CDH13: variants seen among roughly 807,000 people sequenced by gnomAD.
The protein encoded by CDH13 is cadherin 13.
A neutral mutation model predicts 63.8 loss-of-function variants in CDH13; 24 were observed. That is an observed-to-expected ratio of 0.38 (90% CI 0.27 to 0.53). The LOEUF (loss-of-function observed/expected upper bound fraction) is 0.53. Among genes scored for constraint, CDH13 ranks in the 20% least tolerant of loss-of-function variants. The probability of loss-of-function intolerance (pLI) is 0.85; values close to 1 mark genes in which losing one functional copy is unlikely to be tolerated. For missense variants in CDH13, 1,049 were observed against 903.1 expected, an observed-to-expected ratio of 1.16 and a Z score of -2.07; for synonymous variants, 503 against 355.3, an observed-to-expected ratio of 1.42 and a Z score of -4.67.
chr16:83,228,846 G>C (rs1218781414), intron 5 of CDH13, among the ~76,000 whole-genome samples: 1 of 152,172 alleles, frequency 6.6e-6, no homozygotes, highest in Non-Finnish European at 1.5e-5. Flanking sequence ...ATCAGATTTG[G>C]ATTTTACAGG....
chr16:83,048,200 A>G (rs1056835091), intron 3 of CDH13, among the ~76,000 whole-genome samples: 2 of 152,320 alleles, frequency 1.3e-5, no homozygotes, highest in African/African-American at 2.4e-5. Flanking sequence ...CAAGTTGGTT[A>G]CTTTGAAACT....
intron 8 of CDH13, among the ~76,000 whole-genome samples, chr16:83,651,069 C>G (rs1796660804): frequency 6.6e-6 from 1 of 151,978 alleles, no homozygotes; most frequent in South Asian, 2.1e-4. Context: ...CAAGTGTATT[C>G]CAGCCTGGGC....
At chr16:82,820,091 T>A (rs75547528) in intron 1 of CDH13, among the ~76,000 whole-genome samples, 3,026 of 152,224 alleles carry the variant, frequency 0.02, 55 homozygotes, top group Non-Finnish European at 0.031. Context: ...CTCACCAGCA[T>A]CTCTTAGCTC....
intron 4 of CDH13, among the ~76,000 whole-genome samples, chr16:83,160,083 A>T (rs1443156936): frequency 6.6e-6 from 1 of 151,890 alleles, no homozygotes; most frequent in Non-Finnish European, 1.5e-5. Context: ...CTCAAAAAAT[A>T]AAGAGAAAAA....
chr16:83,085,954 C>T (rs1212641740), intron 3 of CDH13, among the ~76,000 whole-genome samples: 1 of 152,160 alleles, frequency 6.6e-6, no homozygotes, highest in Non-Finnish European at 1.5e-5. Context: ...TATGTTAGTG[C>T]CAGCTCACAT....
At chr16:83,625,568 C>G (rs1910222207) in intron 8 of CDH13, among the ~76,000 whole-genome samples, 1 of 152,216 alleles carries the variant, frequency 6.6e-6, no homozygotes, top group South Asian at 2.1e-4. Context: ...TTCTTTACCT[C>G]TCAGAACTGC....
chr16:83,711,156 C>A (rs921431165), intron 10 of CDH13, among the ~76,000 whole-genome samples: 1 of 152,200 alleles, frequency 6.6e-6, no homozygotes, highest in Non-Finnish European at 1.5e-5. Flanking sequence ...TTAGAAGTAT[C>A]TGTGACTTCA....
At chr16:83,117,697 A>G (rs550715907) in intron 3 of CDH13, among the ~76,000 whole-genome samples, 12 of 152,102 alleles carry the variant, frequency 7.9e-5, no homozygotes, top group African/African-American at 2.4e-4. Context: ...CTTAGTTAAT[A>G]TGAATCTATT....
chr16:83,603,382 C>T (rs1356457415), intron 8 of CDH13, among the ~76,000 whole-genome samples: 2 of 152,180 alleles, frequency 1.3e-5, no homozygotes, highest in African/African-American at 4.8e-5. Flanking sequence ...ACCATGGTGT[C>T]TCCCCCTGAG....
intron 1 of CDH13, among the ~76,000 whole-genome samples, chr16:82,843,227 A>G (rs946729557): frequency 6.6e-6 from 1 of 152,196 alleles, no homozygotes; most frequent in Non-Finnish European, 1.5e-5. Flanking sequence ...GTATATTGAC[A>G]ATTAGTGTAT....
intron 2 of CDH13, chr16:82,990,159 C>T (rs2151402947): frequency 6.6e-6 from 1 of 152,226 alleles, no homozygotes; most frequent in East Asian, 1.9e-4. Flanking sequence ...TCTGTTGCGT[C>T]TAGAAGTCAG....
At chr16:83,213,109 C>T (rs542037048) in intron 4 of CDH13, among the ~76,000 whole-genome samples, 24 of 152,140 alleles carry the variant, frequency 1.6e-4, no homozygotes, top group African/African-American at 5.3e-4. Context: ...GAGAGACAGA[C>T]GTGTGCAGTG....
intron 2 of CDH13, among the ~76,000 whole-genome samples, chr16:82,959,868 A>G (rs959042297): frequency 3.9e-5 from 6 of 152,156 alleles, no homozygotes; most frequent in African/African-American, 9.7e-5. Flanking sequence ...GCTATGCACA[A>G]TTGTGTACAG....
intron 7 of CDH13, among the ~76,000 whole-genome samples, chr16:83,544,916 C>T (rs538679142): frequency 1.9e-4 from 29 of 152,236 alleles, no homozygotes; most frequent in African/African-American, 6.0e-4. Flanking sequence ...CCCCGTTAGC[C>T]GTCATTACAT....
At chr16:82,781,844 T>G (rs868435543) in intron 1 of CDH13, among the ~76,000 whole-genome samples, 5 of 152,014 alleles carry the variant, frequency 3.3e-5, no homozygotes, top group African/African-American at 1.2e-4. Flanking sequence ...AGTACGGGAG[T>G]ATATGTAAAC....
chr16:83,722,703 G>A (rs1433569761), intron 10 of CDH13, among the ~76,000 whole-genome samples: 2 of 152,154 alleles, frequency 1.3e-5, no homozygotes, highest in Admixed American at 1.3e-4. Flanking sequence ...CAAGGCTTTT[G>A]GTCTTTGTCC....
At chr16:83,136,701 T>A (rs1055425164) in intron 4 of CDH13, among the ~76,000 whole-genome samples, 1 of 152,108 alleles carries the variant, frequency 6.6e-6, no homozygotes, top group Non-Finnish European at 1.5e-5. Context: ...ACACCAGGGA[T>A]GTTCCGCAGC....
At chr16:82,758,055 G>A (rs1053900729) in intron 1 of CDH13, among the ~76,000 whole-genome samples, 1 of 152,098 alleles carries the variant, frequency 6.6e-6, no homozygotes, top group Non-Finnish European at 1.5e-5. Flanking sequence ...GTTAGTTGTA[G>A]ATAATCTCAT....
intron 5 of CDH13, among the ~76,000 whole-genome samples, chr16:83,307,674 T>G (rs2089910465): frequency 6.6e-6 from 1 of 152,208 alleles, no homozygotes; most frequent in African/African-American, 2.4e-5. Context: ...TTAGCTATGT[T>G]AATAATAGAA....
Sources: gnomAD v4.1 joint callset for allele counts (sites outside exome capture counted in the v4.1 genomes callset) on GRCh38, gnomAD v4.1.1 for gene constraint, MANE v1.5 for transcripts, NCBI Gene and HGNC (gene_info 2026-07-23, HGNC 2026-07-21) for gene names.